Variants in GALNTL6 observed in about 807,000 individuals in gnomAD.
The protein encoded by GALNTL6 is polypeptide N-acetylgalactosaminyltransferase-like 6.
In GALNTL6, 46 loss-of-function variants were observed where a neutral mutation model predicts 73.7. The observed-to-expected ratio is 0.62, with a 90% CI of 0.49 to 0.80. The LOEUF (loss-of-function observed/expected upper bound fraction) is 0.80, where lower values mean the gene tolerates loss of function less well. GALNTL6 is among the 30% of genes least tolerant of loss of function. GALNTL6 has a pLI of 0.00. For synonymous variants in GALNTL6, 259 were observed against 263.7 expected, an observed-to-expected ratio of 0.98 and a Z score of 0.17; for missense variants, 604 against 755.0, an observed-to-expected ratio of 0.80 and a Z score of 2.34.
rs529497821 is a variant in GALNTL6 at position 172,844,396 on chromosome 4, A to G, written c.923+30673A>G. Among the ~76,000 whole-genome samples the G allele has an allele frequency of 1.3e-4, 20 of 152,350 alleles. No individual in the cohort carries two copies. The East Asian group carries it at 3.9e-3, about 29-fold the overall frequency. ...TCACAGAGAAAAAACAGTGATGCTCAGAGACTAAGTTATTGCTCAGGCATC... is the reference window on the plus strand; with the variant it reads ...TCACAGAGAAAAAACAGTGATGCTCGGAGACTAAGTTATTGCTCAGGCATC... On this transcript the variant is annotated intron_variant, in intron 7 of 12. Transcript: ENST00000506823.
chr4:172,852,909 A>G (rs1743913157), intron 7 of GALNTL6, among the ~76,000 whole-genome samples: 2 of 152,246 alleles, frequency 1.3e-5, no homozygotes, highest in African/African-American at 2.4e-5. Context: ...GAAAAATCAC[A>G]TAAAAATATA....
intron 2 of GALNTL6, among the ~76,000 whole-genome samples, chr4:171,966,057 T>C (rs1197083845): frequency 6.6e-6 from 1 of 152,188 alleles, no homozygotes; most frequent in East Asian, 1.9e-4. Context: ...TATCTTTCTA[T>C]GACAGATTTC....
chr4:172,315,125 T>C (rs1056540441), intron 4 of GALNTL6, among the ~76,000 whole-genome samples: 3 of 152,252 alleles, frequency 2.0e-5, no homozygotes, highest in Non-Finnish European at 1.5e-5. Flanking sequence ...GTTTTTAATT[T>C]TTAAAATAGT....
At chr4:171,959,159 G>A (rs1022138271) in intron 2 of GALNTL6, among the ~76,000 whole-genome samples, 1 of 152,118 alleles carries the variant, frequency 6.6e-6, no homozygotes, top group African/African-American at 2.4e-5. Context: ...CAATTAGAAA[G>A]ACTATCACAT....
At chr4:172,363,119 T>C (rs1742430292) in intron 5 of GALNTL6, among the ~76,000 whole-genome samples, 2 of 152,174 alleles carry the variant, frequency 1.3e-5, no homozygotes. Context: ...AGTTCATCTT[T>C]CTCTATAGTC....
chr4:172,094,233 A>G (rs1732286957), intron 2 of GALNTL6, among the ~76,000 whole-genome samples: 1 of 152,194 alleles, frequency 6.6e-6, no homozygotes, highest in South Asian at 2.1e-4. Context: ...AATATGTTTC[A>G]GTATTTTAAC....
chr4:172,670,308 G>A (rs1448776690), intron 5 of GALNTL6, among the ~76,000 whole-genome samples: 1 of 152,022 alleles, frequency 6.6e-6, no homozygotes, highest in Non-Finnish European at 1.5e-5. Flanking sequence ...AGCCTCACCA[G>A]CATCTCTTTT....
At chr4:172,418,203 A>G (rs1192475411) in intron 5 of GALNTL6, among the ~76,000 whole-genome samples, 2 of 152,202 alleles carry the variant, frequency 1.3e-5, no homozygotes, top group Non-Finnish European at 2.9e-5. Flanking sequence ...TTTAAAAAGT[A>G]AAACTTTTTT....
intron 10 of GALNTL6, among the ~76,000 whole-genome samples, chr4:172,980,638 G>A (rs73870325): frequency 0.018 from 2,750 of 152,172 alleles, 85 homozygotes; most frequent in African/African-American, 0.061. Context: ...TGGGTTTGGC[G>A]GGCGAGGGGA....
intron 5 of GALNTL6, among the ~76,000 whole-genome samples, chr4:172,610,073 G>C: frequency 6.6e-6 from 1 of 151,670 alleles, no homozygotes; most frequent in East Asian, 1.9e-4. Flanking sequence ...TGTTTATTTG[G>C]ATCTTTTCTC....
At chr4:172,368,557 C>T (rs1209932351) in intron 5 of GALNTL6, among the ~76,000 whole-genome samples, 1 of 152,224 alleles carries the variant, frequency 6.6e-6, no homozygotes, top group Non-Finnish European at 1.5e-5. Flanking sequence ...TAACAGATCA[C>T]AAAGCTCATC....
At chr4:172,820,413 A>G (rs562990648) in intron 7 of GALNTL6, among the ~76,000 whole-genome samples, 46 of 152,188 alleles carry the variant, frequency 3.0e-4, no homozygotes, top group Non-Finnish European at 6.0e-4. Flanking sequence ...AAGATAATCT[A>G]TTTTACACAA....
At chr4:172,414,537 C>G (rs1326446446) in intron 5 of GALNTL6, among the ~76,000 whole-genome samples, 1 of 152,096 alleles carries the variant, frequency 6.6e-6, no homozygotes, top group African/African-American at 2.4e-5. Flanking sequence ...GTATTTCATT[C>G]ACACGATGAT....
chr4:172,309,893 C>T (rs1235538873), intron 3 of GALNTL6, among the ~76,000 whole-genome samples: 1 of 151,912 alleles, frequency 6.6e-6, no homozygotes, highest in African/African-American at 2.4e-5. Context: ...CCAAAAATTG[C>T]ATAGGACTAA....
chr4:172,093,582 C>G (rs912229514), intron 2 of GALNTL6, among the ~76,000 whole-genome samples: 2 of 152,122 alleles, frequency 1.3e-5, no homozygotes, highest in Non-Finnish European at 2.9e-5. Context: ...GAGTAGCCCG[C>G]AAGGGAGCAA....
intron 5 of GALNTL6, among the ~76,000 whole-genome samples, chr4:172,411,348 C>A (rs1208689038): frequency 6.6e-6 from 1 of 151,968 alleles, no homozygotes; most frequent in Non-Finnish European, 1.5e-5. Flanking sequence ...GCCACTAATG[C>A]AGAGTTTGAG....
At chr4:172,945,084 A>G (rs1749099402) in intron 9 of GALNTL6, among the ~76,000 whole-genome samples, 1 of 151,860 alleles carries the variant, frequency 6.6e-6, no homozygotes, top group African/African-American at 2.4e-5. Flanking sequence ...AAAAAAAAAG[A>G]ATACTATAAG....
chr4:172,920,084 C>A (rs1747720888), intron 8 of GALNTL6, among the ~76,000 whole-genome samples: 1 of 152,164 alleles, frequency 6.6e-6, no homozygotes, highest in East Asian at 1.9e-4. Flanking sequence ...CACAACAGAG[C>A]ATTTCTGACT....
chr4:172,648,761 T>C (rs1278567673), intron 5 of GALNTL6, among the ~76,000 whole-genome samples: 1 of 152,212 alleles, frequency 6.6e-6, no homozygotes. Flanking sequence ...TATCTTTTGC[T>C]GATATTTGCA....
Sources: allele counts gnomAD v4.1 joint callset (sites outside exome capture counted in the v4.1 genomes callset), GRCh38; gene constraint gnomAD v4.1.1; transcripts MANE v1.5; gene names NCBI Gene and HGNC (gene_info 2026-07-23, HGNC 2026-07-21).